The following MVP variants were observed in gnomAD, a reference collection of about 807,000 sequenced individuals.
The protein encoded by MVP is lung resistance-related protein.
A neutral mutation model predicts 83.5 loss-of-function variants in MVP; 62 were observed. That is an observed-to-expected ratio of 0.74 (90% confidence interval 0.61 to 0.92). The LOEUF is 0.92. MVP is among the 40% of genes least tolerant of loss of function. The pLI is 0.00. For missense variants in MVP, 1,000 were observed against 1,203.4 expected, an observed-to-expected ratio of 0.83 and a Z score of 2.50; for synonymous variants, 505 against 504.1, an observed-to-expected ratio of 1.00 and a Z score of -0.02.
In MVP at chr16:29,823,007, G is replaced by A. The variant is rs73528355; in HGVS notation, c.-36+2497G>A. 3.7e-3 allele frequency among the ~76,000 whole-genome samples: 562 copies of A among 151,570 alleles called. 3 individuals carry two copies. Among genetic ancestry groups the A allele is most frequent in the African/African-American group, 0.013 (522 of 41,278 alleles). On this transcript the variant is annotated intron_variant, in intron 1 of 14. Coordinates refer to ENST00000357402, the MANE Select transcript of MVP (RefSeq NM_005115.5). ...TGCTGGGATTACAGCCACTGCGCCC[G>A]GCCTGAAACTGATCTTTATCCTCCT...
At chr16:29,824,225 A>C (rs1228562824) in intron 1 of MVP, among the ~76,000 whole-genome samples, 10 of 140,354 alleles carry the variant, frequency 7.1e-5, no homozygotes, top group Non-Finnish European at 1.0e-4. Context: ...AAAAAAAAAA[A>C]AAAAAAAAAA....
In MVP at chr16:29,836,780, G is replaced by T; in HGVS notation, c.731G>T (p.Arg244Leu). Residue 244 changes from arginine to leucine, a missense_variant, in exon 7 of 15, where the codon CGC (arginine) becomes CTC (leucine). By Grantham distance (102) the Arg-to-Leu change is moderately radical (BLOSUM62 -2). Transcript: ENST00000357402. ...CGGGACTTCAGGGGAGTGTCCCGCCGCACTGGGGAGGAGTGGCTGGTAACA... is the reference window on the plus strand; with the variant it reads ...CGGGACTTCAGGGGAGTGTCCCGCCTCACTGGGGAGGAGTGGCTGGTAACA... ...NFRDFRGVSR[R>L]TGEEWLVTVQ... 1 of 1,612,818 alleles carries T rather than the reference G, an allele frequency of 6.2e-7. No homozygotes were observed. Among genetic ancestry groups the T allele is most frequent in the Non-Finnish European group, 8.5e-7 (1 of 1,179,228 alleles).
chr16:29,837,111 C>A (rs1245791754), intron 7 of MVP, among the ~76,000 whole-genome samples, 153 bp downstream of exon 7: 1 of 152,152 alleles, frequency 6.6e-6, no homozygotes, highest in Admixed American at 6.5e-5. Flanking sequence ...AGACACTGGC[C>A]CATTTGATTC....
chr16:29,840,144 A>G (rs2067521723), intron 7 of MVP, 34 bp from the exon 8 acceptor site: 1 of 1,563,740 alleles, frequency 6.4e-7, no homozygotes, highest in Non-Finnish European at 8.7e-7. Flanking sequence ...GCAACCCTAA[A>G]GGCACTGACC....
In MVP at chr16:29,840,240, T is replaced by C. The variant is rs2067522873; in HGVS notation, c.972T>C (p.Tyr324=). 14 of 1,613,972 alleles carry C rather than the reference T, an allele frequency of 8.7e-6. No individual in the cohort carries two copies. Among genetic ancestry groups the C allele is most frequent in the Non-Finnish European group, 1.2e-5 (14 of 1,179,970 alleles). The stretch of plus-strand genomic sequence containing the variant: ...TGGAACAAGGCATCCAGGATGTGTA[T>C]GTGCTGTCGGAGCAGCAGGGGCTGC... ...EQLEQGIQDV[Y]VLSEQQGLLL... is the part of the protein sequence containing the mutation. Residue 324 remains tyrosine, a synonymous_variant, in exon 8 of 15, where the codon TAT becomes TAC. Transcript: ENST00000357402.
At chr16:29,831,144 C>A in intron 3 of MVP, 71 bp downstream of exon 3, 1 of 1,363,920 alleles carries the variant, frequency 7.3e-7, no homozygotes, top group South Asian at 1.4e-5. Context: ...TATACTGCTG[C>A]CTTCTTCTTC....
At position 29,841,487 on chromosome 16, in the gene MVP, T is replaced by G; in HGVS notation, c.1192-109T>G. The G allele has an allele frequency of 7.2e-7, 1 of 1,397,326 alleles. No individual in the cohort carries two copies. The highest frequency in any genetic ancestry group is 9.5e-7 in the Non-Finnish European group (1 of 1,049,054). 86.6% of individuals were successfully genotyped at this position (1,397,326 alleles called of 1,614,324 possible). A position where few individuals can be genotyped will look rare whatever the true frequency, so the allele number is the denominator to read the frequency against. ...CCTGGCCTCCCCGTAGAGAAGGTGT[T>G]TAACCTCGTGGCGCGCCTTCCCTGG... On this transcript the variant is annotated intron_variant, in intron 8 of 14. Transcript: ENST00000357402. This position sits in a 1 kb window ranked among gnomAD's most constrained non-coding sequence, Gnocchi z 4.7.
chr16:29,826,998 A>G (rs1011186847), intron 1 of MVP, among the ~76,000 whole-genome samples: 1 of 151,984 alleles, frequency 6.6e-6, no homozygotes, highest in Non-Finnish European at 1.5e-5. Context: ...TCTTTCCAGA[A>G]CAGAGCCCCG....
At position 29,830,320 on chromosome 16, in the gene MVP, G is replaced by A. The variant is rs1020549881; in HGVS notation, c.-35-195G>A. 7 of 471,046 alleles carry A rather than the reference G, an allele frequency of 1.5e-5. No individual in the cohort carries two copies. In the Admixed American group the frequency reaches 2.5e-4, roughly 17 times the overall value. 29.2% of individuals were successfully genotyped at this position (471,046 alleles called of 1,614,324 possible). ...ATCAAGCAGTTCTTGGCAAAGGTAA[G>A]GTCAGGATGGGCTGTGTCGTCTTGG... On this transcript the variant is annotated intron_variant, in intron 1 of 14. Transcript: ENST00000357402.
At chr16:29,825,919 C>T (rs923013283) in intron 1 of MVP, 1 of 152,426 alleles carries the variant, frequency 6.6e-6, no homozygotes, top group Non-Finnish European at 1.5e-5. Flanking sequence ...CCTTCCTCTT[C>T]TCCCATCTGG....
At chr16:29,831,496 G>C (rs1047192687) in intron 3 of MVP, 3 of 425,556 alleles carry the variant, frequency 7.0e-6, no homozygotes, top group African/African-American at 6.1e-5. Context: ...GCAGTGGGAG[G>C]GGTGGGGAGA....
chr16:29,842,217 G>A (rs1180032921), intron 10 of MVP, 105 bp downstream of exon 10: 1 of 1,106,856 alleles, frequency 9.0e-7, no homozygotes, highest in Non-Finnish European at 1.3e-6. Flanking sequence ...GCTGCAGTGA[G>A]CCTTGATGGC....
rs757458833 is a variant in MVP, at chr16:29,840,464, T to G, written c.1191+5T>G. On this transcript the variant is annotated splice_donor_5th_base_variant and intron_variant, in intron 8 of 14. Transcript: ENST00000357402. ...CAGGATGTCAAGACCGGAAAGGTAA[T>G]GGCTGGGAGTGAGCAGCAGTGCTGC... The G allele has an allele frequency of 1.3e-6, 2 of 1,561,398 alleles. No individual in the cohort carries two copies. Among genetic ancestry groups the G allele is most frequent in the South Asian group, 2.4e-5 (2 of 84,900 alleles).
rs1007175881 is a variant in MVP at position 29,841,206 on chromosome 16, C to A, written c.1192-390C>A. Among the ~76,000 whole-genome samples, 3 of 152,122 alleles carry A rather than the reference C, an allele frequency of 2.0e-5. No individual in the cohort carries two copies. The highest frequency in any genetic ancestry group is 7.2e-5 in the African/African-American group (3 of 41,426). On this transcript the variant is annotated intron_variant, in intron 8 of 14. Coordinates refer to ENST00000357402, the MANE Select transcript of MVP (RefSeq NM_005115.5). The surrounding 1 kb of genome is among the most constrained non-coding windows in gnomAD (Gnocchi z 4.7). ...TCCAGCTTGGAATCCGAGGGAGCAT[C>A]CGTGTACACAGCCTACTTCACCATC...
In MVP at chr16:29,830,902, G is replaced by A; in HGVS notation, c.150G>A (p.Met50Ile). 1 of 1,613,116 alleles carries A rather than the reference G, an allele frequency of 6.2e-7. No homozygotes were observed. The change falls in exon 3 of 15, where the codon ATG becomes ATA. Residue 50 changes from methionine to isoleucine, a missense_variant. Met to Ile is a conservative substitution (Grantham distance 10). Coordinates refer to ENST00000357402, the MANE Select transcript of MVP (RefSeq NM_005115.5). ...NERVLFAPMRMVTVPPRHYCT... is the reference protein window; with the variant it reads ...NERVLFAPMRIVTVPPRHYCT... ...GGGTACTGTTTGCCCCCATGCGCAT[G>A]GTGACCGTCCCCCCACGTCACTACT...
In MVP at chr16:29,844,060, G is replaced by T. The variant is rs1199225859; in HGVS notation, c.1635-433G>T. Among the ~76,000 whole-genome samples, 3 of 152,208 alleles carry T rather than the reference G, an allele frequency of 2.0e-5. No individual in the cohort carries two copies. In the East Asian group the frequency reaches 5.8e-4, roughly 29 times the overall value. Reference sequence around the variant, plus strand: ...AAGAGCACAGGCCCCAGAAGCAGCTGCCTGGTTCAGCTTTCTGGCTTGTCA... The same window carrying T: ...AAGAGCACAGGCCCCAGAAGCAGCTTCCTGGTTCAGCTTTCTGGCTTGTCA... On this transcript the variant is annotated intron_variant, in intron 10 of 14. Transcript: ENST00000357402.
Position 29,840,343 on chromosome 16 carries a change from A to T in MVP, c.1075A>T (p.Ile359Phe). 1 of 1,609,746 alleles carries T rather than the reference A, an allele frequency of 6.2e-7. No individual in the cohort carries two copies. Among genetic ancestry groups the T allele is most frequent in the Non-Finnish European group, 8.5e-7 (1 of 1,178,322 alleles). Reference protein sequence around the residue: ...VSHQAGDHWLIRGPLEYVPSA... With the variant: ...VSHQAGDHWLFRGPLEYVPSA... ...ACACCAGGCTGGGGACCACTGGCTC[A>T]TCCGCGGACCCCTGGAGTATGTGCC... The change falls in exon 8 of 15, where the codon ATC becomes TTC. Residue 359 changes from isoleucine (I) to phenylalanine (F), a missense_variant. Transcript: ENST00000357402.
At chr16:29,827,043 G>A (rs1459525138) in intron 1 of MVP, among the ~76,000 whole-genome samples, 1 of 152,062 alleles carries the variant, frequency 6.6e-6, no homozygotes, top group African/African-American at 2.4e-5. Context: ...AATCAAAGGT[G>A]AGCAGGACAG....
Position 29,836,935 on chromosome 16 carries a change from C to G in MVP, c.886C>G (p.Leu296Val). The change falls in exon 7 of 15, where the codon CTG becomes GTG. Residue 296 changes from leucine (L) to valine (V), a missense_variant. Transcript: ENST00000357402. The part of the protein sequence containing the change: ...DPVGPDGKNQ[L>V]GQKRVVKGEK... ...TGTCGGACCGGATGGCAAGAATCAG[C>G]TGGGGCAGAAGCGCGTGGTCAAGGT... 1 of 1,613,420 alleles carries G rather than the reference C, an allele frequency of 6.2e-7. No individual in the cohort carries two copies. The highest frequency in any genetic ancestry group is 8.5e-7 in the Non-Finnish European group (1 of 1,179,678).
Sources: gnomAD v4.1 joint callset for allele counts (sites outside exome capture counted in the v4.1 genomes callset) on GRCh38, gnomAD v4.1.1 for gene constraint, Gnocchi (gnomAD v3.1) non-coding constraint, MANE v1.5 for transcripts, NCBI Gene and HGNC (gene_info 2026-07-23, HGNC 2026-07-21) for gene names.